The following SLIT2 variants were observed in gnomAD, a reference collection of about 807,000 sequenced individuals.
SLIT2 encodes the protein slit guidance ligand 2.
Under a neutral mutation model 185.7 loss-of-function variants are expected in SLIT2, and 41 were observed. The ratio of observed to expected loss-of-function variants is 0.22; its 90% CI spans 0.17 to 0.29. The LOEUF is 0.29. Ranked by LOEUF, SLIT2 falls within the 10% of genes least tolerant of loss-of-function variation. SLIT2 has a pLI of 1.00. For missense variants in SLIT2, 1,571 were observed against 1,909.0 expected (o/e 0.82, Z 3.30); for synonymous variants, 693 against 680.2 (o/e 1.02, Z -0.29).
rs1255482514 is a variant in SLIT2 at position 20,253,805 on chromosome 4, G to T, written c.-11G>T. The T allele has an allele frequency of 6.3e-7, 1 of 1,597,228 alleles. No homozygotes were observed. Among genetic ancestry groups the T allele is most frequent in the South Asian group, 1.1e-5 (1 of 90,988 alleles). On this transcript the variant is annotated 5_prime_UTR_variant, in exon 1 of 37. Transcript: ENST00000504154. ...CCCCAGTGCCGGCGAGGAAGGAGGCGGCGGGGAAAGATGCGCGGCGTTGGC... is the reference window on the plus strand; with the variant it reads ...CCCCAGTGCCGGCGAGGAAGGAGGCTGCGGGGAAAGATGCGCGGCGTTGGC...
chr4:20,483,693 C>A (rs1011132565), intron 6 of SLIT2, among the ~76,000 whole-genome samples: 13 of 151,942 alleles, frequency 8.6e-5, no homozygotes, highest in African/African-American at 3.1e-4. Flanking sequence ...GAGAGGTGCT[C>A]CATGATTATA....
rs1271279922 is a variant in SLIT2 at position 20,518,557 on chromosome 4, G to GTGTATA, written c.1059-824_1059-823insGTATAT. On this transcript the variant is annotated intron_variant, in intron 11 of 36. Coordinates refer to ENST00000504154, the MANE Select transcript of SLIT2 (RefSeq NM_004787.4). ...ATGAGCCACTGTGCCCAGCCTATAT[G>GTGTATA]TATATATATATATATATATATATAT... Among the ~76,000 whole-genome samples the GTGTATA allele has an allele frequency of 8.6e-3, 154 of 17,850 alleles. 16 individuals carry two copies. Among genetic ancestry groups the GTGTATA allele is most frequent in the East Asian group, 0.013 (7 of 540 alleles). The allele number at this position is 17,850 out of a possible 152,430, so 11.7% of individuals were successfully genotyped here. A position where few individuals can be genotyped will look rare whatever the true frequency, so the allele number is the denominator to read the frequency against.
intron 4 of SLIT2, among the ~76,000 whole-genome samples, chr4:20,430,692 A>G (rs1728902843): frequency 6.6e-6 from 1 of 152,224 alleles, no homozygotes; most frequent in Admixed American, 6.5e-5. Flanking sequence ...GCATCCAATA[A>G]CACATTGTAT....
chr4:20,496,560 G>T (rs1718247226), intron 9 of SLIT2, among the ~76,000 whole-genome samples: 1 of 152,152 alleles, frequency 6.6e-6, no homozygotes, highest in East Asian at 1.9e-4. Flanking sequence ...CCACAGTGCA[G>T]AAGCTCCCCT....
rs1385708552 is a variant in SLIT2 at position 20,533,677 on chromosome 4, G to A, written c.1794G>A (p.Gln598=). Residue 598 remains glutamine, a synonymous_variant, in exon 18 of 37, where the codon CAG becomes CAA. Transcript: ENST00000504154. The stretch of plus-strand genomic sequence containing the variant: ...CGAGTAATCGTTTGGAAAATGTGCA[G>A]CATAAGATGTTCAAGGGATTGGAAA... The part of the protein sequence containing the change: ...LLTSNRLENV[Q]HKMFKGLESL... The A allele has an allele frequency of 1.9e-6, 3 of 1,613,644 alleles. No individual in the cohort carries two copies. Among genetic ancestry groups the A allele is most frequent in the African/African-American group, 2.7e-5 (2 of 75,016 alleles).
chr4:20,577,681 T>C (rs1024332760), intron 29 of SLIT2, among the ~76,000 whole-genome samples: 2 of 152,202 alleles, frequency 1.3e-5, no homozygotes, highest in African/African-American at 4.8e-5. Context: ...TCCCATAATC[T>C]CATCAGCTAT....
chr4:20,278,091 T>TA (rs1180968098), intron 4 of SLIT2, among the ~76,000 whole-genome samples: 1 of 151,936 alleles, frequency 6.6e-6, no homozygotes, highest in African/African-American at 2.4e-5. Flanking sequence ...ATATGAAACT[T>TA]AAAAAAAATT....
intron 4 of SLIT2, among the ~76,000 whole-genome samples, chr4:20,447,498 T>C (rs576199778): frequency 9.2e-5 from 14 of 152,360 alleles, no homozygotes; most frequent in African/African-American, 3.1e-4. Flanking sequence ...AACATTGCTC[T>C]CCTTTGAATT....
intron 4 of SLIT2, among the ~76,000 whole-genome samples, chr4:20,287,142 G>C (rs796091859): frequency 9.9e-5 from 15 of 152,246 alleles, no homozygotes; most frequent in African/African-American, 2.6e-4. Flanking sequence ...ACTGTACCAT[G>C]GACTTCAGGA....
chr4:20,452,872 T>C (rs1712630682), intron 4 of SLIT2, among the ~76,000 whole-genome samples: 1 of 152,192 alleles, frequency 6.6e-6, no homozygotes, highest in South Asian at 2.1e-4. Context: ...GATGCTGGAA[T>C]TGCAGGTGCT....
At chr4:20,432,702 AG>A (rs1272590192) in intron 4 of SLIT2, among the ~76,000 whole-genome samples, 1 of 152,152 alleles carries the variant, frequency 6.6e-6, no homozygotes, top group Non-Finnish European at 1.5e-5. Flanking sequence ...AAATCTGAAG[AG>A]CTCTTATCGG....
intron 33 of SLIT2, among the ~76,000 whole-genome samples, chr4:20,606,401 G>T (rs1420360334): frequency 6.6e-6 from 1 of 151,834 alleles, no homozygotes; most frequent in Non-Finnish European, 1.5e-5. Context: ...AGGATCACTT[G>T]AGTCCAGGAG....
intron 30 of SLIT2, among the ~76,000 whole-genome samples, chr4:20,590,037 C>T (rs1204268930): frequency 2.6e-5 from 4 of 151,062 alleles, no homozygotes; most frequent in African/African-American, 9.7e-5. Context: ...TCCCAAGTAG[C>T]TGGGACTACA....
chr4:20,619,179 AG>A lies in SLIT2; in HGVS notation c.*171del. On this transcript the variant is annotated 3_prime_UTR_variant, in exon 37 of 37. Transcript: ENST00000504154. ...TTTCTGCATTTGGAAAAAAAAAAAA[AG>A]AAATGCTTGAACTAAAGCTTCCCCT... 1 of 658,872 alleles carries A rather than the reference AG, an allele frequency of 1.5e-6. No individual in the cohort carries two copies. The highest frequency in any genetic ancestry group is 2.4e-6 in the Non-Finnish European group (1 of 421,748). 40.8% of individuals were successfully genotyped at this position (658,872 alleles called of 1,614,324 possible).
chr4:20,520,374 C>T (rs1720735426), intron 12 of SLIT2, among the ~76,000 whole-genome samples: 1 of 152,182 alleles, frequency 6.6e-6, no homozygotes. Flanking sequence ...GGTTAATCAT[C>T]AAATTCTATT....
rs1728138280 is a variant in SLIT2, at chr4:20,598,284, G to C, written c.3581G>C (p.Ser1194Thr). 3 of 1,613,950 alleles carry C rather than the reference G, an allele frequency of 1.9e-6. No homozygotes were observed. The highest frequency in any genetic ancestry group is 2.7e-5 in the African/African-American group (2 of 74,912). Residue 1194 changes from serine to threonine, a missense_variant, in exon 33 of 37, where the codon AGC becomes ACC. Physicochemically the swap from Ser to Thr is moderately conservative, Grantham distance 58. This residue lies in a region of SLIT2 where 146 missense variants were observed against 247.4 expected (regional missense o/e 0.59). Transcript: ENST00000504154. The stretch of plus-strand genomic sequence containing the variant: ...TACTAGATTGCCACAGATGAAGACA[G>C]CGGAATCCTCCTGTATAAGGGTGAC... ...ITLQIATDED[S>T]GILLYKGDKD...
intron 4 of SLIT2, among the ~76,000 whole-genome samples, chr4:20,317,175 C>T (rs537285581): frequency 1.3e-5 from 2 of 151,842 alleles, no homozygotes; most frequent in Non-Finnish European, 2.9e-5. Flanking sequence ...TATTAACATG[C>T]TACAATTCAT....
At chr4:20,271,089 A>G (rs1463712499) in intron 4 of SLIT2, among the ~76,000 whole-genome samples, 4 of 151,944 alleles carry the variant, frequency 2.6e-5, no homozygotes, top group Non-Finnish European at 1.5e-5. Context: ...ACAAGTTCAC[A>G]TTTTCTCACA....
chr4:20,440,072 G>T (rs1021566665), intron 4 of SLIT2, among the ~76,000 whole-genome samples: 1 of 152,130 alleles, frequency 6.6e-6, no homozygotes. Context: ...GCAATTAATT[G>T]TTAAAAGTTC....
Sources: allele counts gnomAD v4.1 joint callset (sites outside exome capture counted in the v4.1 genomes callset), GRCh38; gene constraint gnomAD v4.1.1; regional missense constraint gnomAD v4.1.1; transcripts MANE v1.5; gene names NCBI Gene and HGNC (gene_info 2026-07-23, HGNC 2026-07-21).